The following FOXK2 variants were observed in gnomAD, a reference collection of about 807,000 sequenced individuals.
FOXK2 encodes the protein forkhead box protein K2.
In FOXK2, 24 loss-of-function variants were observed where a neutral mutation model predicts 53.3. The observed-to-expected ratio is 0.45, with a 90% CI of 0.33 to 0.63. FOXK2 has a LOEUF of 0.63. FOXK2 is among the 30% of genes least tolerant of loss of function. The probability of loss-of-function intolerance (pLI) is 0.03; values close to 1 mark genes in which losing one functional copy is unlikely to be tolerated. For synonymous variants in FOXK2, 505 were observed against 407.1 expected (o/e 1.24, Z -2.89); for missense variants, 952 against 910.5 (o/e 1.05, Z -0.59).
intron 1 of FOXK2, among the ~76,000 whole-genome samples, chr17:82,532,298 C>A (rs1020783611): frequency 6.6e-6 from 1 of 151,950 alleles, no homozygotes; most frequent in Non-Finnish European, 1.5e-5. Context: ...GCACCCGAGA[C>A]CAGCCCAGCT....
At position 82,520,305 on chromosome 17, in the gene FOXK2, CGT is replaced by C; in HGVS notation, c.419+2_419+3del. The C allele has an allele frequency of 1.9e-6, 2 of 1,059,024 alleles. No individual in the cohort carries two copies. The highest frequency in any genetic ancestry group is 2.4e-6 in the Non-Finnish European group (2 of 817,376). The allele number at this position is 1,059,024 out of a possible 1,614,324, so 65.6% of individuals were successfully genotyped here. On this transcript the variant is annotated frameshift_variant and splice_region_variant, in exon 1 of 9. Transcript: ENST00000335255. LOFTEE classifies it high-confidence loss of function. ...RGAPPLQLPR[V>X]CTFRFPSTNI... ...GGGCGCCGCCGCTGCAGCTGCCGCG[CGT>C]GTGAGTGGCCTCGGGGCGGGGCGGG...
At chr17:82,564,278 G>A (rs554288738) in intron 2 of FOXK2, among the ~76,000 whole-genome samples, 1 of 151,856 alleles carries the variant, frequency 6.6e-6, no homozygotes, top group Non-Finnish European at 1.5e-5. Context: ...TAGTAGAGAC[G>A]GGATTTCACT....
At chr17:82,529,337 C>T (rs1396161311) in intron 1 of FOXK2, among the ~76,000 whole-genome samples, 2 of 150,298 alleles carry the variant, frequency 1.3e-5, no homozygotes, top group East Asian at 3.9e-4. Context: ...ATTCTCCTGC[C>T]TCAGCCTCCT....
In FOXK2 at chr17:82,601,820, T is replaced by C. The variant is rs78435800; in HGVS notation, c.*321T>C. 3,684 of 251,006 alleles carry C rather than the reference T, an allele frequency of 0.015. 148 individuals carry two copies. Among genetic ancestry groups the C allele is most frequent in the African/African-American group, 0.075 (3,465 of 45,970 alleles). 15.5% of individuals were successfully genotyped at this position (251,006 alleles called of 1,614,324 possible). A position where few individuals can be genotyped will look rare whatever the true frequency, so the allele number is the denominator to read the frequency against. On this transcript the variant is annotated 3_prime_UTR_variant, in exon 9 of 9. Coordinates refer to ENST00000335255, the MANE Select transcript of FOXK2 (RefSeq NM_004514.4). ...AGGACGGCACGGCCAGCGCCTGCTG[T>C]GAGTGGGTCTCCCAAGACTAGGCCT...
At chr17:82,564,792 G>A (rs1415844951) in intron 2 of FOXK2, among the ~76,000 whole-genome samples, 4 of 148,294 alleles carry the variant, frequency 2.7e-5, no homozygotes, top group Non-Finnish European at 5.9e-5. Context: ...AGTCCAATGT[G>A]CGGTCTTGGC....
chr17:82,554,969 G>A (rs1567972500), intron 1 of FOXK2, among the ~76,000 whole-genome samples: 1 of 152,014 alleles, frequency 6.6e-6, no homozygotes, highest in Non-Finnish European at 1.5e-5. Flanking sequence ...GGCTGGGTTC[G>A]AACTCCTGAC....
chr17:82,533,382 C>T (rs778810838), intron 1 of FOXK2, among the ~76,000 whole-genome samples: 5 of 151,728 alleles, frequency 3.3e-5, no homozygotes, highest in African/African-American at 1.2e-4. Context: ...CCCAGCTACT[C>T]GGGAGGCTGA....
chr17:82,594,999 C>A (rs1206736464), intron 8 of FOXK2, among the ~76,000 whole-genome samples: 1 of 152,144 alleles, frequency 6.6e-6, no homozygotes, highest in Non-Finnish European at 1.5e-5. Flanking sequence ...GTGATCGCCC[C>A]ACTGCACTCC....
chr17:82,562,047 C>G (rs2144112416), intron 1 of FOXK2, among the ~76,000 whole-genome samples: 1 of 152,344 alleles, frequency 6.6e-6, no homozygotes, highest in South Asian at 2.1e-4. Context: ...TGTTGTTGAA[C>G]TGGGTTCGTG....
At chr17:82,588,816 C>T (rs1438952682) in intron 8 of FOXK2, among the ~76,000 whole-genome samples, 4 of 148,234 alleles carry the variant, frequency 2.7e-5, no homozygotes, top group East Asian at 2.0e-4. Flanking sequence ...TTTGGGAGGT[C>T]GAGGTGGGTG....
intron 1 of FOXK2, among the ~76,000 whole-genome samples, chr17:82,529,605 C>T (rs1177648057): frequency 2.0e-5 from 3 of 152,114 alleles, no homozygotes; most frequent in African/African-American, 7.2e-5. Flanking sequence ...AGGCTGATCT[C>T]GGACTCCTGA....
chr17:82,583,038 T>C, intron 5 of FOXK2, 104 bp downstream of exon 5: 2 of 808,734 alleles, frequency 2.5e-6, no homozygotes, highest in Middle Eastern at 3.9e-4. Context: ...ACTAAATGCA[T>C]TATGATTAAA....
intron 1 of FOXK2, among the ~76,000 whole-genome samples, 165 bp downstream of exon 1, chr17:82,520,472 G>C (rs1436558540): frequency 1.3e-5 from 2 of 152,102 alleles, no homozygotes; most frequent in African/African-American, 2.4e-5. Flanking sequence ...CCCAACCCTC[G>C]ACAGCCCCTG....
At chr17:82,586,655 ACTATGGGGGG>A (rs1204807029) in intron 7 of FOXK2, among the ~76,000 whole-genome samples, 1 of 151,986 alleles carries the variant, frequency 6.6e-6, no homozygotes, top group Non-Finnish European at 1.5e-5. Context: ...TAATCCCAGC[ACTATGGGGGG>A]CTGAGACGGT....
intron 1 of FOXK2, among the ~76,000 whole-genome samples, chr17:82,533,849 G>T (rs1247269101): frequency 6.6e-6 from 1 of 151,708 alleles, no homozygotes; most frequent in Non-Finnish European, 1.5e-5. Flanking sequence ...GCACAGCTAG[G>T]TTAGCTGGGT....
intron 1 of FOXK2, among the ~76,000 whole-genome samples, chr17:82,526,414 G>A (rs1415113236): frequency 6.6e-6 from 1 of 152,196 alleles, no homozygotes; most frequent in Non-Finnish European, 1.5e-5. Flanking sequence ...GAATAAGGAA[G>A]GAGTGGAGGT....
At chr17:82,569,284 C>T (rs962381119) in intron 3 of FOXK2, among the ~76,000 whole-genome samples, 5 of 152,224 alleles carry the variant, frequency 3.3e-5, no homozygotes, top group Admixed American at 6.5e-5. Flanking sequence ...CGGCCGACTA[C>T]GGCGTCTAAC....
In FOXK2 at chr17:82,601,558, C is replaced by G. The variant is rs889852255; in HGVS notation, c.*59C>G. The stretch of plus-strand genomic sequence containing the variant: ...TCTGTGGTGCCAAAAGGAGACGCGG[C>G]CTCCCGCCAGCACTCGGGGGTGCAG... On this transcript the variant is annotated 3_prime_UTR_variant, in exon 9 of 9. Coordinates refer to ENST00000335255, the MANE Select transcript of FOXK2 (RefSeq NM_004514.4). 7 of 1,502,668 alleles carry G rather than the reference C, an allele frequency of 4.7e-6. No homozygotes were observed. The Admixed American group carries it at 1.2e-4, about 25-fold the overall frequency. 93.1% of individuals were successfully genotyped at this position (1,502,668 alleles called of 1,614,324 possible).
intron 1 of FOXK2, among the ~76,000 whole-genome samples, chr17:82,552,336 C>T (rs1373271945): frequency 6.6e-6 from 1 of 152,186 alleles, no homozygotes; most frequent in Non-Finnish European, 1.5e-5. Flanking sequence ...CTTAAACATT[C>T]GAGGGGCAGT....
Sources: allele counts gnomAD v4.1 joint callset (sites outside exome capture counted in the v4.1 genomes callset), GRCh38; gene constraint gnomAD v4.1.1; transcripts MANE v1.5; gene names NCBI Gene and HGNC (gene_info 2026-07-23, HGNC 2026-07-21).